The following ARK2C variants were observed in gnomAD, a reference collection of about 807,000 sequenced individuals.
The protein encoded by ARK2C is arkadia (RNF111) C-terminal like ring finger ubiquitin ligase 2C, also known as E3 ubiquitin-protein ligase ARK2C.
chr18:46,349,969 G>A, the ARK2C span, among the ~76,000 whole-genome samples: 49 of 152,180 alleles, frequency 3.2e-4, no homozygotes, highest in East Asian at 9.7e-4. Context: ...TCATTTACAC[G>A]TACGTATCTG....
At chr18:46,380,091 G>C in the ARK2C span, among the ~76,000 whole-genome samples, 1 of 152,208 alleles carries the variant, frequency 6.6e-6, no homozygotes, top group African/African-American at 2.4e-5. Context: ...TTTAGAAACT[G>C]CCCACCCAGT....
chr18:46,408,184 G>A, the ARK2C span, among the ~76,000 whole-genome samples: 1 of 152,210 alleles, frequency 6.6e-6, no homozygotes, highest in Non-Finnish European at 1.5e-5. Context: ...AGGAAGCAAG[G>A]AATTGTGGGG....
At chr18:46,404,787 T>TACACACACACAC in the ARK2C span, among the ~76,000 whole-genome samples, 4,118 of 150,024 alleles carry the variant, frequency 0.027, 61 homozygotes, top group Middle Eastern at 0.045. Context: ...CACACACACA[T>TACACACACACAC]ACACACACAC....
the ARK2C span, among the ~76,000 whole-genome samples, chr18:46,388,882 A>C: frequency 6.6e-6 from 1 of 152,206 alleles, no homozygotes; most frequent in Non-Finnish European, 1.5e-5. Context: ...CAGACCTAAG[A>C]ACACAGAGAT....
At chr18:46,397,130 C>T in the ARK2C span, among the ~76,000 whole-genome samples, 3 of 152,148 alleles carry the variant, frequency 2.0e-5, no homozygotes, top group African/African-American at 4.8e-5. Context: ...TCTGGGAGGG[C>T]CCTGCCGGAG....
At chr18:46,356,622 A>T in the ARK2C span, among the ~76,000 whole-genome samples, 1 of 152,088 alleles carries the variant, frequency 6.6e-6, no homozygotes, top group Non-Finnish European at 1.5e-5. Context: ...CACAGAAGGG[A>T]GTATTCAGAT....
At chr18:46,359,795 G>A in the ARK2C span, among the ~76,000 whole-genome samples, 1 of 152,196 alleles carries the variant, frequency 6.6e-6, no homozygotes, top group Non-Finnish European at 1.5e-5. Context: ...CAAGATGGCT[G>A]CTAACTCTCC....
chr18:46,447,098 G>A, the ARK2C span, among the ~76,000 whole-genome samples: 2 of 152,124 alleles, frequency 1.3e-5, no homozygotes, highest in African/African-American at 4.8e-5. Flanking sequence ...AGTGGGTTGC[G>A]GTGGGCCAGG....
At chr18:46,371,597 C>T in the ARK2C span, among the ~76,000 whole-genome samples, 2 of 152,210 alleles carry the variant, frequency 1.3e-5, no homozygotes, top group Admixed American at 6.5e-5. Flanking sequence ...ATGAAGCCCC[C>T]ACCTGGGCAC....
the ARK2C span, among the ~76,000 whole-genome samples, chr18:46,345,192 G>A: frequency 3.3e-5 from 5 of 152,358 alleles, 1 homozygote; most frequent in African/African-American, 1.2e-4. Flanking sequence ...AAGGAAGTTT[G>A]CGCCCGCTGG....
At chr18:46,442,327 T>C in the ARK2C span, among the ~76,000 whole-genome samples, 4 of 152,214 alleles carry the variant, frequency 2.6e-5, no homozygotes, top group African/African-American at 9.6e-5. Flanking sequence ...ACTTTGGGTT[T>C]TCTTTTCTAA....
At chr18:46,415,722 C>T in the ARK2C span, among the ~76,000 whole-genome samples, 1 of 152,046 alleles carries the variant, frequency 6.6e-6, no homozygotes, top group African/African-American at 2.4e-5. Flanking sequence ...ACCCTTGAGC[C>T]TCAGTTTCTT....
chr18:46,451,808 C>G, the ARK2C span, among the ~76,000 whole-genome samples: 9 of 151,912 alleles, frequency 5.9e-5, no homozygotes, highest in South Asian at 4.2e-4. Flanking sequence ...CTGTATCAAA[C>G]AAAGAAAGAA....
the ARK2C span, among the ~76,000 whole-genome samples, chr18:46,452,028 G>A: frequency 6.6e-6 from 1 of 152,210 alleles, no homozygotes; most frequent in African/African-American, 2.4e-5. Context: ...GAGCATAGGG[G>A]AGTCTCAGGG....
chr18:46,438,481 C>A, the ARK2C span, among the ~76,000 whole-genome samples: 2 of 152,208 alleles, frequency 1.3e-5, no homozygotes, highest in African/African-American at 4.8e-5. Flanking sequence ...GTTCCAAGTT[C>A]CTTGGGACTT....
At chr18:46,436,265 G>C in the ARK2C span, among the ~76,000 whole-genome samples, 1 of 151,888 alleles carries the variant, frequency 6.6e-6, no homozygotes, top group East Asian at 1.9e-4. Flanking sequence ...ATTGTGTGTG[G>C]GTATATATGT....
the ARK2C span, among the ~76,000 whole-genome samples, chr18:46,438,717 C>T: frequency 2.6e-5 from 4 of 152,168 alleles, no homozygotes; most frequent in Non-Finnish European, 4.4e-5. Context: ...AGGGGCTGAC[C>T]TAGTGGATTT....
chr18:46,390,822 G>A, the ARK2C span, among the ~76,000 whole-genome samples: 4 of 152,110 alleles, frequency 2.6e-5, no homozygotes, highest in African/African-American at 9.7e-5. Context: ...TCTCTTGTCT[G>A]TAAAATGGGG....
At chr18:46,374,331 C>A in the ARK2C span, among the ~76,000 whole-genome samples, 1 of 152,172 alleles carries the variant, frequency 6.6e-6, no homozygotes. Flanking sequence ...GCATTCACAT[C>A]GCTGTGCTAT....
Sources: allele counts gnomAD v4.1 joint callset (sites outside exome capture counted in the v4.1 genomes callset), GRCh38; gene constraint gnomAD v4.1.1; transcripts MANE v1.5; gene names NCBI Gene and HGNC (gene_info 2026-07-23, HGNC 2026-07-21).